Variants in ACOT9 observed in about 807,000 individuals in gnomAD.
ACOT9 encodes the protein acyl-coenzyme A thioesterase 9, mitochondrial.
Under a neutral mutation model 39.7 loss-of-function variants are expected in ACOT9, and 34 were observed. The observed-to-expected ratio is 0.86, with a 90% CI of 0.65 to 1.14. ACOT9 has a LOEUF of 1.14. ACOT9 is among the 50% of genes most tolerant of loss of function. The pLI is 0.00. For missense variants in ACOT9, 313 were observed against 344.1 expected (o/e 0.91, Z 0.71); for synonymous variants, 110 against 120.5 (o/e 0.91, Z 0.57).
intron 1 of ACOT9, among the ~76,000 whole-genome samples, chrX:23,740,421 T>C (rs1930095867): frequency 9.0e-6 from 1 of 110,896 alleles, no homozygotes; most frequent in African/African-American, 3.3e-5. Context: ...ATGGTAACTT[T>C]TCACTACATT....
intron 10 of ACOT9, 99 bp from the exon 11 acceptor site, chrX:23,706,838 T>A: frequency 2.1e-6 from 1 of 482,899 alleles, no homozygotes; most frequent in Non-Finnish European, 3.5e-6. Context: ...CTGAAAATTA[T>A]ACACGTATCC....
intron 8 of ACOT9, among the ~76,000 whole-genome samples, chrX:23,716,760 C>T (rs1043307332): frequency 9.0e-6 from 1 of 111,369 alleles, no homozygotes; most frequent in Non-Finnish European, 1.9e-5. Flanking sequence ...AATCTCGGCT[C>T]ACTGTAACCT....
intron 6 of ACOT9, among the ~76,000 whole-genome samples, chrX:23,729,104 A>G (rs964773899): frequency 2.7e-5 from 3 of 111,620 alleles, no homozygotes; most frequent in Non-Finnish European, 3.8e-5. Flanking sequence ...TTAATTACAA[A>G]GGGGAAAAGA....
At chrX:23,724,172 G>A (rs1929421477) in intron 6 of ACOT9, among the ~76,000 whole-genome samples, 2 of 111,225 alleles carry the variant, frequency 1.8e-5, no homozygotes, top group Admixed American at 1.9e-4. Context: ...ATAGGTAGGA[G>A]GATTGCTTGA....
intron 9 of ACOT9, among the ~76,000 whole-genome samples, chrX:23,708,538 GAAAAAAAA>G (rs567506307): frequency 1.4e-5 from 1 of 70,854 alleles, no homozygotes; most frequent in Non-Finnish European, 2.5e-5. Flanking sequence ...CTCAAAAAAA[GAAAAAAAA>G]AAAAAAAAGA....
At chrX:23,742,254 G>T (rs373335142) in intron 1 of ACOT9, among the ~76,000 whole-genome samples, 12 of 64,042 alleles carry the variant, frequency 1.9e-4, no homozygotes, top group African/African-American at 7.5e-4. Flanking sequence ...GAGAGAGAGA[G>T]AGATATCCAG....
chrX:23,713,572 A>AAGAG (rs1178210791), intron 8 of ACOT9, among the ~76,000 whole-genome samples: 2 of 107,000 alleles, frequency 1.9e-5, no homozygotes, highest in South Asian at 4.1e-4. Flanking sequence ...AAAAAAAAAA[A>AAGAG]AGAGAGAGAG....
At chrX:23,720,022 A>C (rs1250648718) in intron 8 of ACOT9, among the ~76,000 whole-genome samples, 3 of 111,301 alleles carry the variant, frequency 2.7e-5, no homozygotes, top group Non-Finnish European at 5.7e-5. Flanking sequence ...TTTAGTAGAG[A>C]CAGGGTTTCA....
intron 8 of ACOT9, among the ~76,000 whole-genome samples, chrX:23,718,833 G>A (rs1196851593): frequency 2.0e-5 from 2 of 100,571 alleles, no homozygotes; most frequent in Non-Finnish European, 4.0e-5. Context: ...ATGAACCCAG[G>A]AGACGGAGCT....
chrX:23,733,316 CA>C, intron 3 of ACOT9, 99 bp from the exon 4 acceptor site: 1 of 730,581 alleles, frequency 1.4e-6, no homozygotes, highest in South Asian at 2.4e-5. Flanking sequence ...TTCATGCACT[CA>C]AAAGATTTAA....
At position 23,713,187 on chromosome X, in the gene ACOT9, G is replaced by A. The variant is rs1928959433; in HGVS notation, c.610C>T (p.Pro204Ser). 2 of 1,206,081 alleles carry A rather than the reference G, an allele frequency of 1.7e-6. No individual in the cohort carries two copies. The highest frequency in any genetic ancestry group is 1.8e-5 in the South Asian group (1 of 56,458). Reference protein sequence around the residue: ...MFQLHGDEFCPVLDATFVMVA... With the variant: ...MFQLHGDEFCSVLDATFVMVA... The stretch of plus-strand genomic sequence containing the variant: ...ATTACAAATGTTGCATCCAAAACAG[G>A]ACAAAATTCATCACCATGTAACTGA... The change falls in exon 9 of 16, where the codon CCT becomes TCT. Residue 204 changes from proline (P) to serine (S), a missense_variant. Transcript: ENST00000379303.
At position 23,721,884 on chromosome X, in the gene ACOT9, G is replaced by A; in HGVS notation, c.585C>T (p.Phe195=). 2.5e-6 allele frequency: 3 copies of A among 1,204,554 alleles called. No homozygotes were observed. In the South Asian group the frequency reaches 5.3e-5, roughly 21 times the overall value. The change falls in exon 8 of 16, where the codon TTC becomes TTT. Residue 195 remains phenylalanine (F), a synonymous_variant. Coordinates refer to ENST00000379303, the MANE Select transcript of ACOT9 (RefSeq NM_001037171.2). ...CAATCTTCAGGCGCATATTTACCTG[G>A]AACATTTGCATCTTCACTTCCATGG... The part of the protein sequence containing the change: ...KTSMEVKMQM[F]QLHGDEFCPV...
Position 23,707,902 on chromosome X carries a change from T to C in ACOT9, c.705A>G (p.Glu235=). ...ATTCCCCTTGTCTAAAGAGCTCCTC[T>C]TCCTCTGGGCTTTCAGGGATGAGTG... ...VNPLIPESPE[E]EELFRQGELN... Residue 235 remains glutamate, a synonymous_variant, in exon 10 of 16, where the codon GAA becomes GAG. Transcript: ENST00000379303. 1.7e-6 allele frequency: 2 copies of C among 1,203,897 alleles called. No individual in the cohort carries two copies. Among genetic ancestry groups the C allele is most frequent in the South Asian group, 1.8e-5 (1 of 54,995 alleles).
chrX:23,730,918 A>AG lies in ACOT9; in HGVS notation c.259dup (p.Leu87ProfsTer4). The AG allele has an allele frequency of 8.3e-7, 1 of 1,210,891 alleles. No homozygotes were observed. Among genetic ancestry groups the AG allele is most frequent in the Non-Finnish European group, 1.1e-6 (1 of 894,429 alleles). ...ACTGTCCTTCATTCTCCTAGGAGGC[A>AG]GTCCATCCTGTGATTTAGCCAAGAA... On this transcript the variant is annotated frameshift_variant, in exon 5 of 16. Coordinates refer to ENST00000379303, the MANE Select transcript of ACOT9 (RefSeq NM_001037171.2). LOFTEE classifies it high-confidence loss of function.
intron 1 of ACOT9, 54 bp downstream of exon 1, chrX:23,743,071 C>A: frequency 8.9e-7 from 1 of 1,117,528 alleles, no homozygotes; most frequent in Non-Finnish European, 1.2e-6. Context: ...TAGGGGAAGA[C>A]GATGGCACCC....
At chrX:23,706,558 CAAAA>C (rs35002168) in intron 11 of ACOT9, 66 bp downstream of exon 11, 1,119 of 256,065 alleles carry the variant, frequency 4.4e-3, no homozygotes, top group Middle Eastern at 0.01. Context: ...AACTCCGTCT[CAAAA>C]AAAAAAAAAA....
rs369293408 is a variant in ACOT9 at position 23,734,384 on chromosome X, A to C, written c.119-17T>G. On this transcript the variant is annotated splice_polypyrimidine_tract_variant and intron_variant, in intron 2 of 15. Coordinates refer to ENST00000379303, the MANE Select transcript of ACOT9 (RefSeq NM_001037171.2). ...ATGAACATGCTATATGAATAAAGGG[A>C]AAATCAATTAGAGAACCAGCAATAA... 9.5e-6 allele frequency: 11 copies of C among 1,154,404 alleles called. No individual in the cohort carries two copies. The highest frequency in any genetic ancestry group is 2.4e-4 in the Middle Eastern group (1 of 4,184).
intron 1 of ACOT9, among the ~76,000 whole-genome samples, chrX:23,740,382 T>C (rs113085406): frequency 0.2 from 22,490 of 110,175 alleles, 2,012 homozygotes; most frequent in East Asian, 0.39. Flanking sequence ...GCTGGGATTA[T>C]AGGCGTGAGC....
intron 4 of ACOT9, among the ~76,000 whole-genome samples, chrX:23,732,115 G>A (rs1212092362): frequency 1.8e-5 from 2 of 111,960 alleles, no homozygotes; most frequent in African/African-American, 3.2e-5. Flanking sequence ...GGGGAAGGAC[G>A]ACTGTCCATT....
Sources: allele counts gnomAD v4.1 joint callset (sites outside exome capture counted in the v4.1 genomes callset), GRCh38; gene constraint gnomAD v4.1.1; transcripts MANE v1.5; gene names NCBI Gene and HGNC (gene_info 2026-07-23, HGNC 2026-07-21).